PRR16: variants seen among roughly 807,000 people sequenced by gnomAD.
The protein encoded by PRR16 is protein Largen.
A neutral mutation model predicts 18.2 loss-of-function variants in PRR16; 6 were observed. The ratio of observed to expected loss-of-function variants is 0.33; its 90% CI spans 0.18 to 0.65. The LOEUF is 0.65. Ranked by LOEUF, PRR16 falls within the 30% of genes least tolerant of loss-of-function variation. PRR16 has a pLI of 0.74. For synonymous variants in PRR16, 151 were observed against 147.8 expected, an observed-to-expected ratio of 1.02 and a Z score of -0.16; for missense variants, 412 against 376.6, an observed-to-expected ratio of 1.09 and a Z score of -0.78.
chr5:120,655,737 G>T lies in PRR16; in HGVS notation c.160-30217G>T, dbSNP rs116502271. On this transcript the variant is annotated intron_variant, in intron 1 of 1. Coordinates refer to ENST00000407149, the MANE Select transcript of PRR16 (RefSeq NM_001300783.2). The stretch of plus-strand genomic sequence containing the variant: ...TGATAGCAATTGACTTTTTTTTTTT[G>T]TTTTTTTTTTTCTGAATGCAACCCA... Among the ~76,000 whole-genome samples, 166 of 140,296 alleles carry T rather than the reference G, an allele frequency of 1.2e-3. 1 individual carries two copies. The highest frequency in any genetic ancestry group is 2.2e-3 in the African/African-American group (87 of 39,224). The allele number at this position is 140,296 out of a possible 152,430, so 92.0% of individuals were successfully genotyped here. A position where few individuals can be genotyped will look rare whatever the true frequency, so the allele number is the denominator to read the frequency against.
chr5:120,607,711 A>T (rs1754198889), intron 1 of PRR16, among the ~76,000 whole-genome samples: 1 of 152,180 alleles, frequency 6.6e-6, no homozygotes, highest in African/African-American at 2.4e-5. Context: ...CTTGAAAAAA[A>T]AATCTTATCA....
chr5:120,673,087 A>G (rs1282737595), intron 1 of PRR16, among the ~76,000 whole-genome samples: 1 of 152,256 alleles, frequency 6.6e-6, no homozygotes, highest in East Asian at 1.9e-4. Flanking sequence ...TAATCTGTGG[A>G]TAATGTTTGT....
intron 1 of PRR16, among the ~76,000 whole-genome samples, chr5:120,511,194 A>G (rs1222441889): frequency 6.6e-6 from 1 of 152,182 alleles, no homozygotes; most frequent in Non-Finnish European, 1.5e-5. Flanking sequence ...AATATAATTA[A>G]AAGCCTGTAC....
At chr5:120,548,788 A>G (rs1236371704) in intron 1 of PRR16, among the ~76,000 whole-genome samples, 1 of 152,098 alleles carries the variant, frequency 6.6e-6, no homozygotes, top group African/African-American at 2.4e-5. Flanking sequence ...CTAAGGAATC[A>G]GGGAACAGAC....
chr5:120,668,497 A>T (rs1374051591), intron 1 of PRR16, among the ~76,000 whole-genome samples: 1 of 151,874 alleles, frequency 6.6e-6, no homozygotes, highest in Non-Finnish European at 1.5e-5. Context: ...TCCTGTCATT[A>T]TGATGTTAAC....
intron 1 of PRR16, among the ~76,000 whole-genome samples, chr5:120,652,397 A>G (rs1022261806): frequency 2.6e-5 from 4 of 152,104 alleles, no homozygotes; most frequent in Non-Finnish European, 4.4e-5. Flanking sequence ...AAAGTACAGT[A>G]GGGAAAGATA....
chr5:120,537,963 A>G (rs1239650978), intron 1 of PRR16, among the ~76,000 whole-genome samples: 1 of 151,270 alleles, frequency 6.6e-6, no homozygotes, highest in Non-Finnish European at 1.5e-5. Flanking sequence ...TTTTTAGTAG[A>G]GACGGGGTTT....
chr5:120,544,824 C>T (rs300965), intron 1 of PRR16, among the ~76,000 whole-genome samples: 99,372 of 151,780 alleles, frequency 0.65, 32,847 homozygotes, highest in Admixed American at 0.76. Context: ...GCCACCACAC[C>T]TGGCCAAGGG....
At chr5:120,632,628 C>T (rs1349176206) in intron 1 of PRR16, among the ~76,000 whole-genome samples, 1 of 152,104 alleles carries the variant, frequency 6.6e-6, no homozygotes, top group African/African-American at 2.4e-5. Flanking sequence ...GAAGAAAGAA[C>T]TTCAGAACTT....
chr5:120,712,519 C>T, the PRR16 span, among the ~76,000 whole-genome samples: 2 of 151,856 alleles, frequency 1.3e-5, no homozygotes, highest in East Asian at 1.9e-4. Context: ...GAAGGGGAAC[C>T]TTACAGATTG....
intron 1 of PRR16, among the ~76,000 whole-genome samples, chr5:120,633,334 A>G (rs1487337142): frequency 6.6e-6 from 1 of 152,200 alleles, no homozygotes; most frequent in Non-Finnish European, 1.5e-5. Context: ...TATTCAGGAA[A>G]CAAACAGCAT....
rs963460656 is a variant in PRR16 at position 120,523,459 on chromosome 5, A to G, written c.159+58814A>G. On this transcript the variant is annotated intron_variant, in intron 1 of 1. Coordinates refer to ENST00000407149, the MANE Select transcript of PRR16 (RefSeq NM_001300783.2). ...ACTTTGCCATAGCACAGTATAATAC[A>G]TTTATTTGTATTTGTGAGTATTATA... 3.3e-5 allele frequency among the ~76,000 whole-genome samples: 5 copies of G among 152,120 alleles called. No individual in the cohort carries two copies. The South Asian group carries it at 1.0e-3, about 31-fold the overall frequency.
chr5:120,792,701 C>T, the PRR16 span, among the ~76,000 whole-genome samples: 1 of 151,972 alleles, frequency 6.6e-6, no homozygotes, highest in African/African-American at 2.4e-5. Flanking sequence ...ACTGAGTGCT[C>T]ACTATGGGAC....
intron 1 of PRR16, among the ~76,000 whole-genome samples, chr5:120,588,967 G>C (rs1753543584): frequency 6.6e-6 from 1 of 151,620 alleles, no homozygotes; most frequent in Non-Finnish European, 1.5e-5. Flanking sequence ...TTAATTTCTA[G>C]GCAGAAAAGT....
At chr5:120,646,047 T>TA (rs1227313006) in intron 1 of PRR16, among the ~76,000 whole-genome samples, 1,802 of 45,408 alleles carry the variant, frequency 0.04, 48 homozygotes, top group Admixed American at 0.14. Flanking sequence ...AAATACATAT[T>TA]TTATATATAT....
chr5:120,566,523 C>T (rs75116006), intron 1 of PRR16, among the ~76,000 whole-genome samples: 160 of 152,188 alleles, frequency 1.1e-3, no homozygotes, highest in Non-Finnish European at 1.6e-3. Flanking sequence ...TTATTGGTCC[C>T]ACAACTCTTT....
chr5:120,703,211 A>G, the PRR16 span, among the ~76,000 whole-genome samples: 2 of 152,090 alleles, frequency 1.3e-5, no homozygotes, highest in African/African-American at 4.8e-5. Flanking sequence ...TGAGCCAGGA[A>G]AAGGATTTTC....
At chr5:120,556,362 T>A (rs75015917) in intron 1 of PRR16, among the ~76,000 whole-genome samples, 1 of 151,354 alleles carries the variant, frequency 6.6e-6, no homozygotes, top group African/African-American at 2.4e-5. Flanking sequence ...TGGGGTGCAG[T>A]CTTGCTCATA....
chr5:120,525,926 A>G (rs1751331075), intron 1 of PRR16, among the ~76,000 whole-genome samples: 2 of 152,190 alleles, frequency 1.3e-5, no homozygotes, highest in Admixed American at 1.3e-4. Context: ...AAAAAGAAGA[A>G]ACAACATTTT....
Sources: gnomAD v4.1 joint callset for allele counts (sites outside exome capture counted in the v4.1 genomes callset) on GRCh38, gnomAD v4.1.1 for gene constraint, MANE v1.5 for transcripts, NCBI Gene and HGNC (gene_info 2026-07-23, HGNC 2026-07-21) for gene names.